The following HDAC11 variants were observed in gnomAD, a reference collection of about 807,000 sequenced individuals.
HDAC11 encodes the protein histone deacetylase 11.
In HDAC11, 23 loss-of-function variants were observed where a neutral mutation model predicts 41.1. The ratio of observed to expected loss-of-function variants is 0.56; its 90% CI spans 0.40 to 0.79. The LOEUF is 0.79. Ranked by LOEUF, HDAC11 falls within the 30% of genes least tolerant of loss-of-function variation. HDAC11 has a pLI of 0.00. For missense variants in HDAC11, 402 were observed against 477.3 expected (o/e 0.84, Z 1.47); for synonymous variants, 187 against 186.6 (o/e 1.00, Z -0.02).
intron 2 of HDAC11, among the ~76,000 whole-genome samples, chr3:13,482,636 A>C (rs1701373387): frequency 6.6e-6 from 1 of 152,114 alleles, no homozygotes; most frequent in Admixed American, 6.5e-5. Context: ...AAAATAAAAA[A>C]CTTAGCTGGG....
intron 3 of HDAC11, among the ~76,000 whole-genome samples, chr3:13,485,926 CA>C (rs1361572483): frequency 6.6e-6 from 1 of 152,154 alleles, no homozygotes; most frequent in East Asian, 1.9e-4. Flanking sequence ...AGCTCCCTGG[CA>C]GTCAGAACAA....
chr3:13,491,460 A>T lies in HDAC11; in HGVS notation c.253-5276A>T, dbSNP rs549518612. On this transcript the variant is annotated intron_variant, in intron 3 of 9. Coordinates refer to ENST00000295757, the MANE Select transcript of HDAC11 (RefSeq NM_024827.4). ...AGGCTTTTTGTGCATCAACTGAGAG[A>T]TCGTGTTTTCCCCTTCTCTGCTTTT... 7.2e-4 allele frequency among the ~76,000 whole-genome samples: 110 copies of T among 152,088 alleles called. 3 individuals are homozygous for T. The South Asian group carries it at 0.021, about 29-fold the overall frequency.
chr3:13,500,623 G>T, intron 5 of HDAC11, 90 bp from the exon 6 acceptor site: 1 of 1,035,508 alleles, frequency 9.7e-7, no homozygotes, highest in Non-Finnish European at 1.4e-6. Context: ...TGAGCAGGGA[G>T]GATGCTGGGG....
chr3:13,480,924 G>A lies in HDAC11; in HGVS notation c.3-322G>A, dbSNP rs1559367972. The A allele has an allele frequency of 8.9e-6, 4 of 448,800 alleles. No individual in the cohort carries two copies. Among genetic ancestry groups the A allele is most frequent in the Non-Finnish European group, 1.3e-5 (3 of 236,624 alleles). 27.8% of individuals were successfully genotyped at this position (448,800 alleles called of 1,614,324 possible). A position where few individuals can be genotyped will look rare whatever the true frequency, so the allele number is the denominator to read the frequency against. On this transcript the variant is annotated intron_variant, in intron 1 of 9. Transcript: ENST00000295757. The surrounding 1 kb of genome is among the most constrained non-coding windows in gnomAD (Gnocchi z 4.6). ...TATTACGGTGCAGAGGTGATGCGCG[G>A]AGGCCTTGCAGCCAGACACACCTGA...
intron 3 of HDAC11, among the ~76,000 whole-genome samples, chr3:13,488,107 A>G (rs1574893276): frequency 6.6e-6 from 1 of 151,644 alleles, no homozygotes; most frequent in East Asian, 1.9e-4. Context: ...GAGTTCCAGT[A>G]TAGTGTGGAG....
chr3:13,496,979 G>A (rs957718639), intron 4 of HDAC11, 127 bp downstream of exon 4: 2 of 513,718 alleles, frequency 3.9e-6, no homozygotes, highest in Non-Finnish European at 6.9e-6. Flanking sequence ...ATTCCTCAAG[G>A]CTCGGCAACA....
rs1001931740 is a variant in HDAC11, at chr3:13,504,998, G to A, written c.*315G>A. 2 of 424,516 alleles carry A rather than the reference G, an allele frequency of 4.7e-6. No individual in the cohort carries two copies. The highest frequency in any genetic ancestry group is 2.8e-5 in the South Asian group (1 of 36,126). The allele number at this position is 424,516 out of a possible 1,614,324, so 26.3% of individuals were successfully genotyped here. On this transcript the variant is annotated 3_prime_UTR_variant, in exon 10 of 10. Coordinates refer to ENST00000295757, the MANE Select transcript of HDAC11 (RefSeq NM_024827.4). ...GGACAGGCTAGGTCCCAGGCACAGC[G>A]AGGGCCCTGGGCTTGGGGTGTTCTG...
intron 5 of HDAC11, 75 bp from the exon 6 acceptor site, chr3:13,500,638 T>G: frequency 8.2e-7 from 1 of 1,214,874 alleles, no homozygotes; most frequent in East Asian, 2.6e-5. Context: ...CTGGGGGAGG[T>G]GAAGGGATGG....
chr3:13,489,629 C>T (rs1038743441), intron 3 of HDAC11, among the ~76,000 whole-genome samples: 4 of 152,172 alleles, frequency 2.6e-5, no homozygotes, highest in African/African-American at 9.7e-5. Context: ...TACGGTGGCT[C>T]CATCTTGGCT....
rs1337213197 is a variant in HDAC11 at position 13,480,333 on chromosome 3, A to C, written c.-15A>C. On this transcript the variant is annotated 5_prime_UTR_variant, in exon 1 of 10. Coordinates refer to ENST00000295757, the MANE Select transcript of HDAC11 (RefSeq NM_024827.4). This position sits in a 1 kb window ranked among gnomAD's most constrained non-coding sequence, Gnocchi z 4.6. ...TCGCGGAGCTGCGGCCAGCTTTGGG[A>C]GGGCCGGCCCCGGGATGTGAGTGCC... 1.6e-6 allele frequency: 2 copies of C among 1,224,330 alleles called. No individual in the cohort carries two copies. Among genetic ancestry groups the C allele is most frequent in the East Asian group, 6.5e-5 (2 of 30,714 alleles). 75.8% of individuals were successfully genotyped at this position (1,224,330 alleles called of 1,614,324 possible).
chr3:13,504,449 C>T lies in HDAC11; in HGVS notation c.829-19C>T, dbSNP rs753160713. 1.2e-6 allele frequency: 2 copies of T among 1,612,360 alleles called. No homozygotes were observed. The highest frequency in any genetic ancestry group is 2.2e-5 in the South Asian group (2 of 91,052). ...TGGGGGTCTGGCCTGCCTGAGTCAC[C>T]CTCCTCTTCCCCTAACAGGGCATCG... On this transcript the variant is annotated intron_variant, in intron 9 of 9. Transcript: ENST00000295757.
Position 13,502,030 on chromosome 3 carries a change from G to T in HDAC11, c.552+97G>T. On this transcript the variant is annotated intron_variant, in intron 7 of 9. Transcript: ENST00000295757. This position sits in a 1 kb window ranked among gnomAD's most constrained non-coding sequence, Gnocchi z 4.1. ...AGAGTCTCCCTCCTCATGTCCCCAC[G>T]GCTCTCACGGCTTCTGTCTTCTGTC... 3 of 912,680 alleles carry T rather than the reference G, an allele frequency of 3.3e-6. No homozygotes were observed. In the South Asian group the frequency reaches 4.3e-5, roughly 13 times the overall value. 56.5% of individuals were successfully genotyped at this position (912,680 alleles called of 1,614,324 possible).
chr3:13,497,559 C>T (rs1028337892), intron 4 of HDAC11, among the ~76,000 whole-genome samples: 5 of 152,104 alleles, frequency 3.3e-5, no homozygotes, highest in Non-Finnish European at 7.3e-5. Flanking sequence ...TCCCCCACTG[C>T]GGGTGTGGCA....
Position 13,505,275 on chromosome 3 carries a change from G to C in HDAC11, c.*592G>C. 1 of 160,796 alleles carries C rather than the reference G, an allele frequency of 6.2e-6. No homozygotes were observed. The highest frequency in any genetic ancestry group is 5.7e-5 in the Admixed American group (1 of 17,546). The allele number at this position is 160,796 out of a possible 1,614,324, so 10.0% of individuals were successfully genotyped here. On this transcript the variant is annotated 3_prime_UTR_variant, in exon 10 of 10. Transcript: ENST00000295757. ...CTGGATGTGAGGGGCGGTCAGGAAGGGGTACAGGTGGGTTCCCTCATCTGG... is the reference window on the plus strand; with the variant it reads ...CTGGATGTGAGGGGCGGTCAGGAAGCGGTACAGGTGGGTTCCCTCATCTGG...
intron 3 of HDAC11, among the ~76,000 whole-genome samples, chr3:13,486,572 T>TTG (rs1491180921): frequency 1.3e-4 from 2 of 15,668 alleles, no homozygotes; most frequent in Admixed American, 1.0e-3. Flanking sequence ...TGTAGAGGTG[T>TTG]TTTTTTTTTT....
intron 3 of HDAC11, among the ~76,000 whole-genome samples, chr3:13,493,193 G>A (rs749698817): frequency 6.6e-6 from 1 of 152,080 alleles, no homozygotes. Flanking sequence ...CTCCCTCGGG[G>A]GCTATCCCTG....
chr3:13,490,113 C>A (rs1701779617), intron 3 of HDAC11, among the ~76,000 whole-genome samples: 1 of 152,080 alleles, frequency 6.6e-6, no homozygotes, highest in African/African-American at 2.4e-5. Context: ...CCTGCCTCAG[C>A]CTCCCGAGTA....
intron 8 of HDAC11, 143 bp downstream of exon 8, chr3:13,503,123 A>T: frequency 1.7e-6 from 1 of 583,112 alleles, no homozygotes; most frequent in Admixed American, 3.2e-5. Flanking sequence ...CATTTTACAG[A>T]TGAGGAAACC....
intron 5 of HDAC11, 110 bp downstream of exon 5, chr3:13,498,665 G>T (rs1702220610): frequency 1.6e-6 from 2 of 1,226,766 alleles, no homozygotes; most frequent in Admixed American, 4.0e-5. Flanking sequence ...TGTGAATTCA[G>T]AAGCTCTGGT....
Sources: gnomAD v4.1 joint callset for allele counts (sites outside exome capture counted in the v4.1 genomes callset) on GRCh38, gnomAD v4.1.1 for gene constraint, Gnocchi (gnomAD v3.1) non-coding constraint, MANE v1.5 for transcripts, NCBI Gene and HGNC (gene_info 2026-07-23, HGNC 2026-07-21) for gene names.